Variants in WDR19 observed in about 807,000 individuals in gnomAD.
WDR19 encodes the protein WD repeat domain 19.
A neutral mutation model predicts 180.0 loss-of-function variants in WDR19; 121 were observed. The observed-to-expected ratio is 0.67, with a 90% CI of 0.58 to 0.78. WDR19 has a LOEUF of 0.78. Ranked by LOEUF, WDR19 falls within the 30% of genes least tolerant of loss-of-function variation. The pLI, the probability that WDR19 is intolerant of heterozygous loss-of-function variation, is 0.00. For missense variants in WDR19, 1,450 were observed against 1,640.7 expected (o/e 0.88, Z 2.01); for synonymous variants, 497 against 540.7 (o/e 0.92, Z 1.12).
intron 14 of WDR19, among the ~76,000 whole-genome samples, chr4:39,220,903 G>T (rs1577914401): frequency 3.2e-5 from 4 of 125,446 alleles, no homozygotes; most frequent in Admixed American, 9.0e-5. Flanking sequence ...TTTGATGGGG[G>T]TAGAAACTGG....
intron 28 of WDR19, among the ~76,000 whole-genome samples, chr4:39,263,739 A>G (rs1209001662): frequency 6.6e-6 from 1 of 152,162 alleles, no homozygotes; most frequent in Non-Finnish European, 1.5e-5. Flanking sequence ...AGCCTTACCA[A>G]TATGGAGAAA....
At position 39,218,103 on chromosome 4, in the gene WDR19, G is replaced by C. The variant is rs587777349; in HGVS notation, c.1477G>C (p.Asp493His). The stretch of plus-strand genomic sequence containing the variant: ...TAGTGATTTCCTCATCTATGGTACA[G>C]ATGTATGTATTGCCTTCTTTTTTAG... ...LTSDFLIYGT[D>H]TGVVQYFYIE... Residue 493 changes from aspartate (D) to histidine (H), a missense_variant and splice_region_variant, in exon 14 of 37, where the codon GAT becomes CAT. By Grantham distance (81) the Asp-to-His change is moderately conservative (BLOSUM62 -1). Coordinates refer to ENST00000399820, the MANE Select transcript of WDR19 (RefSeq NM_025132.4). The C allele has an allele frequency of 3.1e-6, 5 of 1,609,592 alleles. No homozygotes were observed. The highest frequency in any genetic ancestry group is 1.3e-5 in the African/African-American group (1 of 74,752).
chr4:39,249,992 T>TTA (rs1732976524), intron 24 of WDR19, among the ~76,000 whole-genome samples: 1 of 152,216 alleles, frequency 6.6e-6, no homozygotes, highest in African/African-American at 2.4e-5. Context: ...CTAACTCATT[T>TTA]TATGAGGCCA....
intron 4 of WDR19, 85 bp from the exon 5 acceptor site, chr4:39,194,459 A>G (rs1726499590): frequency 1.2e-6 from 1 of 814,890 alleles, no homozygotes; most frequent in Admixed American, 3.1e-5. Context: ...GTAGATGTTA[A>G]AATTATCCAA....
intron 3 of WDR19, among the ~76,000 whole-genome samples, chr4:39,186,844 C>T (rs1725614177): frequency 1.3e-5 from 2 of 152,068 alleles, no homozygotes; most frequent in African/African-American, 2.4e-5. Flanking sequence ...TAAATCAGAC[C>T]GTGTGAAAGA....
rs375839756 is a variant in WDR19 at position 39,269,968 on chromosome 4, T to G, written c.3359-8T>G. The G allele has an allele frequency of 1.3e-4, 213 of 1,613,450 alleles. No individual in the cohort carries two copies. The highest frequency in any genetic ancestry group is 1.7e-4 in the Non-Finnish European group (202 of 1,179,546). On this transcript the variant is annotated splice_region_variant and splice_polypyrimidine_tract_variant and intron_variant, in intron 30 of 36. Transcript: ENST00000399820. ...TGCAGTAATGTCGTTTTACCACCTTTTTTCAAGGCAACTACCGGAATGCAC... is the reference window on the plus strand; with the variant it reads ...TGCAGTAATGTCGTTTTACCACCTTGTTTCAAGGCAACTACCGGAATGCAC...
Position 39,255,919 on chromosome 4 carries a change from C to G in WDR19, c.3073C>G (p.Gln1025Glu). ...LYFEGEKRYL[Q>E]AGKFFLLCGQ... The stretch of plus-strand genomic sequence containing the variant: ...CTTTGAAGGAGAAAAGAGATATCTT[C>G]AGGCTGGAAAATTCTTCTTGCTGTG... The change falls in exon 27 of 37, where the codon CAG (glutamine) becomes GAG (glutamate). Residue 1025 changes from glutamine (Q) to glutamate (E), a missense_variant. Gln to Glu is a conservative substitution (Grantham distance 29). Coordinates refer to ENST00000399820, the MANE Select transcript of WDR19 (RefSeq NM_025132.4). The G allele has an allele frequency of 6.2e-7, 1 of 1,608,256 alleles. No individual in the cohort carries two copies. The highest frequency in any genetic ancestry group is 8.5e-7 in the Non-Finnish European group (1 of 1,177,300).
At chr4:39,182,732 A>G (rs1725071624) in intron 1 of WDR19, among the ~76,000 whole-genome samples, 169 bp downstream of exon 1, 1 of 152,026 alleles carries the variant, frequency 6.6e-6, no homozygotes, top group African/African-American at 2.4e-5. Context: ...TGAAGGGACG[A>G]GAGAAAGGAA....
chr4:39,280,111 C>CTTTTTTTT (rs1736327084), intron 36 of WDR19, among the ~76,000 whole-genome samples: 1 of 99,500 alleles, frequency 1.0e-5, no homozygotes, highest in Non-Finnish European at 2.2e-5. Flanking sequence ...GTTTTTTTCC[C>CTTTTTTTT]TTTTCTTGTT....
intron 10 of WDR19, among the ~76,000 whole-genome samples, chr4:39,215,301 G>C (rs7676087): frequency 0.84 from 117,678 of 140,596 alleles, 47,623 homozygotes; most frequent in South Asian, 0.91. Flanking sequence ...CCTTTTCTTT[G>C]TTTCTTTCTT....
intron 36 of WDR19, among the ~76,000 whole-genome samples, chr4:39,280,136 T>TG: frequency 8.0e-6 from 1 of 124,656 alleles, no homozygotes; most frequent in African/African-American, 2.6e-5. Flanking sequence ...TTTTTTTTTT[T>TG]TTTTTAATAG....
chr4:39,282,759 T>C (rs1445389048), intron 36 of WDR19, among the ~76,000 whole-genome samples: 3 of 152,200 alleles, frequency 2.0e-5, no homozygotes, highest in African/African-American at 7.2e-5. Context: ...TTCTAAATAA[T>C]TTGGGGAGAT....
At chr4:39,252,293 G>T (rs542723778) in intron 24 of WDR19, among the ~76,000 whole-genome samples, 1 of 146,374 alleles carries the variant, frequency 6.8e-6, no homozygotes, top group African/African-American at 2.5e-5. Context: ...TCACTCATAG[G>T]TGGGAGTTGA....
At chr4:39,255,510 ACTTGAATGTCAT>A (rs1733660513) in intron 26 of WDR19, among the ~76,000 whole-genome samples, 1 of 152,182 alleles carries the variant, frequency 6.6e-6, no homozygotes, top group Non-Finnish European at 1.5e-5. Flanking sequence ...TCTACTGGCT[ACTTGAATGTCAT>A]CTTCCCTACT....
At chr4:39,258,936 C>T (rs183156087) in intron 28 of WDR19, among the ~76,000 whole-genome samples, 8 of 152,142 alleles carry the variant, frequency 5.3e-5, no homozygotes, top group East Asian at 3.9e-4. Flanking sequence ...GACATAGTGG[C>T]GGGCACCTGT....
chr4:39,259,431 A>G (rs1211732101), intron 28 of WDR19, among the ~76,000 whole-genome samples: 2 of 152,188 alleles, frequency 1.3e-5, no homozygotes, highest in South Asian at 2.1e-4. Context: ...TATATGTATT[A>G]TATATTATAA....
At chr4:39,264,556 G>A (rs983228094) in intron 28 of WDR19, among the ~76,000 whole-genome samples, 1 of 152,126 alleles carries the variant, frequency 6.6e-6, no homozygotes, top group Non-Finnish European at 1.5e-5. Flanking sequence ...TTGCAGACTT[G>A]TCCTCATACC....
chr4:39,274,914 C>G lies in WDR19; in HGVS notation c.3672C>G (p.Ser1224Arg). Reference protein sequence around the residue: ...AAMLMRPEYRSKIDAKYKKKI... With the variant: ...AAMLMRPEYRRKIDAKYKKKI... ...TGTTGATGAGGCCTGAATACCGCAGCAAAATAGATGCCAAATACAAAAAGA... is the reference window on the plus strand; with the variant it reads ...TGTTGATGAGGCCTGAATACCGCAGGAAAATAGATGCCAAATACAAAAAGA... The change falls in exon 33 of 37, where the codon AGC becomes AGG. Residue 1224 changes from serine (S) to arginine (R), a missense_variant. By Grantham distance (110) the Ser-to-Arg change is moderately radical (BLOSUM62 -1). Transcript: ENST00000399820. The G allele has an allele frequency of 6.2e-7, 1 of 1,614,012 alleles. No individual in the cohort carries two copies. The highest frequency in any genetic ancestry group is 2.2e-5 in the East Asian group (1 of 44,886).
intron 5 of WDR19, among the ~76,000 whole-genome samples, chr4:39,196,844 A>G (rs1291862408): frequency 6.6e-6 from 1 of 152,180 alleles, no homozygotes; most frequent in Non-Finnish European, 1.5e-5. Context: ...TGCTCCAACC[A>G]CATTGTCCTT....
Sources: gnomAD v4.1 joint callset for allele counts (sites outside exome capture counted in the v4.1 genomes callset) on GRCh38, gnomAD v4.1.1 for gene constraint, MANE v1.5 for transcripts, NCBI Gene and HGNC (gene_info 2026-07-23, HGNC 2026-07-21) for gene names.